Variants in PRCP observed in about 807,000 individuals in gnomAD.
The protein encoded by PRCP is lysosomal Pro-X carboxypeptidase.
Under a neutral mutation model 54.2 loss-of-function variants are expected in PRCP, and 46 were observed. The ratio of observed to expected loss-of-function variants is 0.85; its 90% CI spans 0.67 to 1.09. The LOEUF (loss-of-function observed/expected upper bound fraction) is 1.09. Ranked by LOEUF, PRCP falls within the 50% of genes least tolerant of loss-of-function variation. The probability of loss-of-function intolerance (pLI) is 0.00; values close to 1 mark genes in which losing one functional copy is unlikely to be tolerated. For synonymous variants in PRCP, 240 were observed against 212.2 expected, an observed-to-expected ratio of 1.13 and a Z score of -1.14; for missense variants, 613 against 596.8, an observed-to-expected ratio of 1.03 and a Z score of -0.28.
intron 1 of PRCP, among the ~76,000 whole-genome samples, chr11:82,864,377 A>G (rs983224910): frequency 1.3e-5 from 2 of 152,358 alleles, no homozygotes; most frequent in Non-Finnish European, 2.9e-5. Flanking sequence ...CACTAGGGGC[A>G]GCATGCCCTC....
At chr11:82,886,008 T>C (rs913161421) in intron 1 of PRCP, among the ~76,000 whole-genome samples, 2 of 152,164 alleles carry the variant, frequency 1.3e-5, no homozygotes, top group South Asian at 2.1e-4. Flanking sequence ...TCAATGAATA[T>C]ATAGAGCTAT....
In PRCP at chr11:82,823,796, C is replaced by G. The variant is rs1395331025; in HGVS notation, c.*1110G>C. 1.3e-5 allele frequency: 2 copies of G among 152,158 alleles called. No individual in the cohort carries two copies. Among genetic ancestry groups the G allele is most frequent in the African/African-American group, 2.4e-5 (1 of 41,438 alleles). 9.4% of individuals were successfully genotyped at this position (152,158 alleles called of 1,614,324 possible). On this transcript the variant is annotated 3_prime_UTR_variant, in exon 9 of 9. Transcript: ENST00000313010. ...CTGAAGAAAGGTCTCAGTGTAAGAA[C>G]TGCTTGAAAGAAGCCAACCCCTTGG...
intron 1 of PRCP, among the ~76,000 whole-genome samples, chr11:82,879,460 G>A (rs1859694184): frequency 6.6e-6 from 1 of 152,114 alleles, no homozygotes; most frequent in African/African-American, 2.4e-5. Context: ...TAGCTTCTTT[G>A]CGATGGGTTC....
At chr11:82,844,747 A>AAAAAAAAGAAAGAAAG (rs756222029) in intron 6 of PRCP, among the ~76,000 whole-genome samples, 1 of 136,054 alleles carries the variant, frequency 7.4e-6, no homozygotes, top group Non-Finnish European at 1.5e-5. Context: ...AAAAAAAAAA[A>AAAAAAAAGAAAGAAAG]AAAGAAAGAA....
intron 1 of PRCP, among the ~76,000 whole-genome samples, chr11:82,897,991 T>A (rs954191097): frequency 1.3e-5 from 2 of 152,238 alleles, no homozygotes; most frequent in Non-Finnish European, 2.9e-5. Flanking sequence ...AGTTTATTAC[T>A]AGAAGGCATC....
chr11:82,833,560 T>C (rs966624159), intron 8 of PRCP, among the ~76,000 whole-genome samples: 2 of 152,186 alleles, frequency 1.3e-5, no homozygotes, highest in African/African-American at 4.8e-5. Flanking sequence ...CTAGAGCCAT[T>C]TGACCCAGCA....
intron 7 of PRCP, 28 bp from the exon 8 acceptor site, chr11:82,838,602 A>T (rs1315340037): frequency 6.3e-7 from 1 of 1,585,696 alleles, no homozygotes; most frequent in Non-Finnish European, 8.6e-7. Context: ...AGAGAATCCA[A>T]TTAGAAAAAT....
intron 1 of PRCP, among the ~76,000 whole-genome samples, chr11:82,872,869 T>C (rs1859511269): frequency 6.6e-6 from 1 of 152,046 alleles, no homozygotes; most frequent in African/African-American, 2.4e-5. Flanking sequence ...GAAAGAACTC[T>C]AGAAAGAAGA....
At chr11:82,868,569 T>C (rs1859396793) in intron 1 of PRCP, among the ~76,000 whole-genome samples, 1 of 150,716 alleles carries the variant, frequency 6.6e-6, no homozygotes, top group Non-Finnish European at 1.5e-5. Context: ...AAGGAGGTAA[T>C]ATCTGAGCTG....
chr11:82,870,680 T>C (rs1859458470), intron 1 of PRCP, among the ~76,000 whole-genome samples: 1 of 152,212 alleles, frequency 6.6e-6, no homozygotes, highest in Non-Finnish European at 1.5e-5. Context: ...AAGAAAAAAC[T>C]GATGCCTAGG....
At chr11:82,889,569 A>G (rs1859953404) in intron 1 of PRCP, among the ~76,000 whole-genome samples, 1 of 152,134 alleles carries the variant, frequency 6.6e-6, no homozygotes, top group South Asian at 2.1e-4. Flanking sequence ...CAGGAGCAGC[A>G]GAAGCAGAAG....
At chr11:82,841,122 C>A (rs902430329) in intron 6 of PRCP, among the ~76,000 whole-genome samples, 1 of 115,764 alleles carries the variant, frequency 8.6e-6, no homozygotes, top group African/African-American at 3.7e-5. Flanking sequence ...AGTCACCCCA[C>A]CTCAGGGAGA....
At chr11:82,856,541 G>A (rs1258325898) in intron 2 of PRCP, among the ~76,000 whole-genome samples, 5 of 152,142 alleles carry the variant, frequency 3.3e-5, no homozygotes, top group African/African-American at 1.2e-4. Context: ...TGCAGGGAGT[G>A]TGGGTGTGGG....
intron 1 of PRCP, among the ~76,000 whole-genome samples, chr11:82,867,147 T>C (rs2121198248): frequency 6.6e-6 from 1 of 152,348 alleles, no homozygotes; most frequent in Non-Finnish European, 1.5e-5. Context: ...TAGCCAGTGC[T>C]TGAGAAAATA....
intron 6 of PRCP, among the ~76,000 whole-genome samples, chr11:82,842,915 C>A (rs1353306291): frequency 6.6e-6 from 1 of 152,176 alleles, no homozygotes; most frequent in African/African-American, 2.4e-5. Context: ...TCTCTTTGCA[C>A]TTCCTTAACA....
intron 1 of PRCP, among the ~76,000 whole-genome samples, chr11:82,866,272 G>A (rs1374416680): frequency 6.6e-6 from 1 of 152,200 alleles, no homozygotes; most frequent in Non-Finnish European, 1.5e-5. Flanking sequence ...CCAAGAGGAA[G>A]GTGAGTCCAA....
chr11:82,857,266 A>G, intron 2 of PRCP, among the ~76,000 whole-genome samples: 1 of 152,236 alleles, frequency 6.6e-6, no homozygotes. Context: ...TGTGTCAGGC[A>G]CTGTTCTAAG....
chr11:82,839,409 A>C lies in PRCP; in HGVS notation c.938T>G (p.Leu313Trp), dbSNP rs1858607038. ...TGAATCAGATACATTGGGATTTTTC[A>C]AATACTGGCACACTACCTGTCATTT... Reference protein sequence around the residue: ...AWPIKVVCQYLKNPNVSDSLL... With the variant: ...AWPIKVVCQYWKNPNVSDSLL... The change falls in exon 7 of 9, where the codon TTG becomes TGG. Residue 313 changes from leucine to tryptophan, a missense_variant. Leu to Trp is a moderately conservative substitution (Grantham distance 61, BLOSUM62 -2). Transcript: ENST00000313010. 6.2e-7 allele frequency: 1 copy of C among 1,611,852 alleles called. No homozygotes were observed. Among genetic ancestry groups the C allele is most frequent in the African/African-American group, 1.3e-5 (1 of 74,902 alleles).
chr11:82,881,460 G>A (rs774201372), intron 1 of PRCP, among the ~76,000 whole-genome samples: 20 of 152,166 alleles, frequency 1.3e-4, no homozygotes, highest in Admixed American at 3.3e-4. Flanking sequence ...GGGTAGGACA[G>A]CCCCCGCTGG....
Sources: allele counts gnomAD v4.1 joint callset (sites outside exome capture counted in the v4.1 genomes callset), GRCh38; gene constraint gnomAD v4.1.1; transcripts MANE v1.5; gene names NCBI Gene and HGNC (gene_info 2026-07-23, HGNC 2026-07-21).